Variants in GRM1 observed in about 807,000 individuals in gnomAD.
GRM1 encodes metabotropic glutamate receptor 1.
Under a neutral mutation model 90.9 loss-of-function variants are expected in GRM1, and 33 were observed. The ratio of observed to expected loss-of-function variants is 0.36; its 90% CI spans 0.28 to 0.49. The LOEUF is 0.49. Ranked by LOEUF, GRM1 falls within the 20% of genes least tolerant of loss-of-function variation. The pLI is 0.99. For missense variants in GRM1, 1,190 were observed against 1,534.3 expected (o/e 0.78, Z 3.75); for synonymous variants, 700 against 613.2 (o/e 1.14, Z -2.09).
intron 3 of GRM1, among the ~76,000 whole-genome samples, chr6:146,318,068 A>T (rs1006552720): frequency 6.6e-6 from 1 of 152,184 alleles, no homozygotes; most frequent in Non-Finnish European, 1.5e-5. Flanking sequence ...TGTTACGTAG[A>T]TATACATGTG....
chr6:146,288,224 C>T (rs910554831), intron 2 of GRM1, among the ~76,000 whole-genome samples: 1 of 152,006 alleles, frequency 6.6e-6, no homozygotes, highest in Non-Finnish European at 1.5e-5. Context: ...GGAGAATACC[C>T]AAGTCATCAT....
At chr6:146,057,197 T>C (rs1775510733) in intron 1 of GRM1, among the ~76,000 whole-genome samples, 1 of 152,166 alleles carries the variant, frequency 6.6e-6, no homozygotes, top group South Asian at 2.1e-4. Context: ...TGTCACACAA[T>C]TTCTTGTATT....
chr6:146,228,990 T>G (rs1356041128), intron 2 of GRM1, among the ~76,000 whole-genome samples: 1 of 152,058 alleles, frequency 6.6e-6, no homozygotes, highest in Non-Finnish European at 1.5e-5. Context: ...GTAAAAGAGA[T>G]TTTTAGTATG....
At chr6:146,339,810 C>T (rs986509228) in intron 3 of GRM1, among the ~76,000 whole-genome samples, 6 of 152,168 alleles carry the variant, frequency 3.9e-5, no homozygotes, top group Admixed American at 3.9e-4. Flanking sequence ...CACGCTAGCC[C>T]TCAGCTATCC....
intron 1 of GRM1, among the ~76,000 whole-genome samples, chr6:146,137,153 G>A (rs551472467): frequency 1.1e-4 from 16 of 152,116 alleles, no homozygotes; most frequent in Admixed American, 3.3e-4. Flanking sequence ...ATGCCCGGCC[G>A]CAGAAGCTTT....
At chr6:146,091,206 C>T (rs1776702722) in intron 1 of GRM1, among the ~76,000 whole-genome samples, 1 of 152,094 alleles carries the variant, frequency 6.6e-6, no homozygotes, top group Non-Finnish European at 1.5e-5. Flanking sequence ...GTCTGAGTTC[C>T]TTCTTCCCAT....
At chr6:146,090,887 G>A (rs1180597312) in intron 1 of GRM1, among the ~76,000 whole-genome samples, 1 of 151,992 alleles carries the variant, frequency 6.6e-6, no homozygotes, top group Non-Finnish European at 1.5e-5. Flanking sequence ...TAGGGCTGAA[G>A]AGAATCAATC....
At chr6:146,352,598 G>A (rs529169550) in intron 4 of GRM1, 102 bp downstream of exon 4, 41 of 1,181,448 alleles carry the variant, frequency 3.5e-5, no homozygotes, top group Non-Finnish European at 2.8e-5. Context: ...TGGGTGCCAT[G>A]AGGATAGATA....
intron 7 of GRM1, among the ~76,000 whole-genome samples, chr6:146,406,214 A>G (rs1436043099): frequency 1.3e-5 from 2 of 152,204 alleles, no homozygotes; most frequent in Non-Finnish European, 1.5e-5. Context: ...GCCATCTGAC[A>G]TTAATGGAGA....
chr6:146,253,761 T>C (rs1781382612), intron 2 of GRM1, among the ~76,000 whole-genome samples: 1 of 152,124 alleles, frequency 6.6e-6, no homozygotes, highest in Non-Finnish European at 1.5e-5. Context: ...ATAAGAACTA[T>C]TCACTGACAA....
chr6:146,387,040 C>A (rs750057568), intron 6 of GRM1, 24 bp downstream of exon 6: 1 of 1,610,560 alleles, frequency 6.2e-7, no homozygotes, highest in Non-Finnish European at 8.5e-7. Context: ...CACTTGGAAA[C>A]CTTGTGCCTC....
chr6:146,040,046 AG>A (rs1466728129), intron 1 of GRM1, among the ~76,000 whole-genome samples: 1 of 152,014 alleles, frequency 6.6e-6, no homozygotes, highest in Non-Finnish European at 1.5e-5. Context: ...GGGATTGCCA[AG>A]GGGGTAAGAT....
intron 2 of GRM1, among the ~76,000 whole-genome samples, chr6:146,212,357 G>A (rs1779711519): frequency 6.6e-6 from 1 of 152,126 alleles, no homozygotes; most frequent in African/African-American, 2.4e-5. Flanking sequence ...GCTTATCTTT[G>A]CATTCCCAAA....
At chr6:146,317,735 A>G (rs1784026374) in intron 3 of GRM1, among the ~76,000 whole-genome samples, 1 of 152,252 alleles carries the variant, frequency 6.6e-6, no homozygotes, top group Non-Finnish European at 1.5e-5. Flanking sequence ...TTGCAGCATA[A>G]AGAACAAAAC....
At chr6:146,295,007 A>G (rs1783127285) in intron 2 of GRM1, among the ~76,000 whole-genome samples, 1 of 151,990 alleles carries the variant, frequency 6.6e-6, no homozygotes, top group Admixed American at 6.6e-5. Context: ...CTGTGAATTT[A>G]CATATAATCA....
At chr6:146,149,191 T>C (rs554270934) in intron 1 of GRM1, among the ~76,000 whole-genome samples, 1 of 152,280 alleles carries the variant, frequency 6.6e-6, no homozygotes, top group African/African-American at 2.4e-5. Flanking sequence ...AGGCTGGATA[T>C]AGATAAATGT....
At chr6:146,398,164 C>T (rs1777034527) in intron 6 of GRM1, among the ~76,000 whole-genome samples, 1 of 152,106 alleles carries the variant, frequency 6.6e-6, no homozygotes, top group Non-Finnish European at 1.5e-5. Context: ...CAAAGGCCCT[C>T]AGGTTTCAGA....
At chr6:146,178,972 G>A (rs1381096077) in intron 2 of GRM1, among the ~76,000 whole-genome samples, 1 of 152,114 alleles carries the variant, frequency 6.6e-6, no homozygotes, top group Non-Finnish European at 1.5e-5. Context: ...TATAAGAATG[G>A]GAATCGATTT....
intron 2 of GRM1, among the ~76,000 whole-genome samples, chr6:146,273,841 G>A (rs989593031): frequency 5.3e-5 from 8 of 152,286 alleles, no homozygotes; most frequent in South Asian, 2.1e-4. Flanking sequence ...ACATGAAAAG[G>A]CAATTATGAG....
Sources: gnomAD v4.1 joint callset for allele counts (sites outside exome capture counted in the v4.1 genomes callset) on GRCh38, gnomAD v4.1.1 for gene constraint, MANE v1.5 for transcripts, NCBI Gene and HGNC (gene_info 2026-07-23, HGNC 2026-07-21) for gene names.